Variants in EYA4 observed in about 807,000 individuals in gnomAD.
EYA4 encodes the protein EYA transcriptional coactivator and phosphatase 4, also known as protein phosphatase EYA4.
Under a neutral mutation model 87.9 loss-of-function variants are expected in EYA4, and 31 were observed. The observed-to-expected ratio is 0.35, with a 90% confidence interval of 0.27 to 0.48. The LOEUF is 0.48. EYA4 is among the 20% of genes least tolerant of loss of function. The pLI is 0.99. For missense variants in EYA4, 678 were observed against 761.4 expected (o/e 0.89, Z 1.29); for synonymous variants, 263 against 270.6 (o/e 0.97, Z 0.28).
chr6:133,273,895 TTGTG>T (rs143246060), intron 1 of EYA4, among the ~76,000 whole-genome samples: 2 of 151,620 alleles, frequency 1.3e-5, no homozygotes, highest in Non-Finnish European at 2.9e-5. Flanking sequence ...TTAATTTTCA[TTGTG>T]TGTGTGTGGG....
intron 3 of EYA4, among the ~76,000 whole-genome samples, chr6:133,432,724 G>A (rs913719018): frequency 3.3e-5 from 5 of 151,746 alleles, no homozygotes; most frequent in Non-Finnish European, 7.4e-5. Context: ...TGTTTGCTAA[G>A]GTCAGGGACT....
intron 6 of EYA4, among the ~76,000 whole-genome samples, chr6:133,460,813 C>G (rs1794316831): frequency 6.6e-6 from 1 of 151,906 alleles, no homozygotes; most frequent in African/African-American, 2.4e-5. Context: ...AGCTTAATTA[C>G]CCTATAATCA....
At chr6:133,342,116 C>G (rs1782827746) in intron 2 of EYA4, among the ~76,000 whole-genome samples, 1 of 151,792 alleles carries the variant, frequency 6.6e-6, no homozygotes. Context: ...TAAGGCAGAG[C>G]CCCAAATCAA....
At chr6:133,474,200 AC>A (rs1283058133) in intron 11 of EYA4, among the ~76,000 whole-genome samples, 1 of 152,062 alleles carries the variant, frequency 6.6e-6, no homozygotes, top group African/African-American at 2.4e-5. Flanking sequence ...GACTACAGCT[AC>A]CAAGAATGAA....
intron 2 of EYA4, among the ~76,000 whole-genome samples, chr6:133,366,362 G>A (rs1019387625): frequency 1.3e-5 from 2 of 152,188 alleles, no homozygotes. Flanking sequence ...AGTTAGGCAG[G>A]AGAGTGAGAG....
At chr6:133,477,848 A>G (rs1458420995) in intron 11 of EYA4, among the ~76,000 whole-genome samples, 1 of 151,988 alleles carries the variant, frequency 6.6e-6, no homozygotes, top group East Asian at 1.9e-4. Context: ...ATATATATAT[A>G]CACACATAAA....
intron 5 of EYA4, among the ~76,000 whole-genome samples, chr6:133,455,942 T>G (rs780907816): frequency 6.6e-6 from 1 of 152,132 alleles, no homozygotes; most frequent in Non-Finnish European, 1.5e-5. Context: ...TTTCAAAAGG[T>G]GTACTTGCTG....
chr6:133,497,971 G>A (rs1407007222), intron 13 of EYA4, among the ~76,000 whole-genome samples: 1 of 152,194 alleles, frequency 6.6e-6, no homozygotes, highest in Non-Finnish European at 1.5e-5. Flanking sequence ...ATTAACAGCA[G>A]TGCTGGCAAA....
At chr6:133,520,811 C>A (rs11154732) in intron 17 of EYA4, among the ~76,000 whole-genome samples, 13,950 of 136,842 alleles carry the variant, frequency 0.1, 1,048 homozygotes, top group East Asian at 0.36. Flanking sequence ...ATAACACCGC[C>A]TATCTACAAC....
chr6:133,502,892 C>G (rs1798258856), intron 13 of EYA4, among the ~76,000 whole-genome samples: 1 of 152,156 alleles, frequency 6.6e-6, no homozygotes, highest in Non-Finnish European at 1.5e-5. Flanking sequence ...TAAAATACAG[C>G]TAGTTCACAC....
intron 3 of EYA4, among the ~76,000 whole-genome samples, chr6:133,434,645 C>G (rs958131080): frequency 6.6e-6 from 1 of 152,094 alleles, no homozygotes; most frequent in Non-Finnish European, 1.5e-5. Context: ...GCACAATATT[C>G]CATTTTGCTT....
chr6:133,255,896 T>C (rs1330071952), intron 1 of EYA4, among the ~76,000 whole-genome samples: 6 of 152,068 alleles, frequency 3.9e-5, no homozygotes, highest in Non-Finnish European at 5.9e-5. Context: ...TTCGTACATC[T>C]GCCAAAAATA....
chr6:133,522,526 G>C (rs1253590169), intron 17 of EYA4, among the ~76,000 whole-genome samples: 1 of 152,078 alleles, frequency 6.6e-6, no homozygotes, highest in Non-Finnish European at 1.5e-5. Flanking sequence ...CAGAAACACT[G>C]AAAGTAAATG....
chr6:133,341,697 G>A (rs529989092), intron 2 of EYA4, among the ~76,000 whole-genome samples: 2 of 152,130 alleles, frequency 1.3e-5, no homozygotes, highest in East Asian at 1.9e-4. Flanking sequence ...AATAGCTAGT[G>A]GAGGGCAGGA....
chr6:133,517,682 A>G (rs1799719914), intron 17 of EYA4, among the ~76,000 whole-genome samples: 1 of 152,154 alleles, frequency 6.6e-6, no homozygotes, highest in Non-Finnish European at 1.5e-5. Context: ...CCTGTGTCTG[A>G]CTGGGGAAGC....
intron 2 of EYA4, among the ~76,000 whole-genome samples, chr6:133,298,931 C>G (rs1162090006): frequency 2.0e-5 from 3 of 152,130 alleles, no homozygotes; most frequent in African/African-American, 7.2e-5. Context: ...ATCCACAGCT[C>G]TGCTGTGGAT....
At chr6:133,517,601 C>G (rs545170721) in intron 17 of EYA4, among the ~76,000 whole-genome samples, 16 of 152,222 alleles carry the variant, frequency 1.1e-4, no homozygotes, top group African/African-American at 3.6e-4. Flanking sequence ...TGCACAGCTT[C>G]TGACTCGTGG....
At chr6:133,456,753 C>G in intron 6 of EYA4, 105 bp downstream of exon 6, 2 of 730,286 alleles carry the variant, frequency 2.7e-6, no homozygotes, top group South Asian at 3.2e-5. Flanking sequence ...GAACTTTGAT[C>G]CTTATAAAGT....
At chr6:133,519,843 A>G in intron 17 of EYA4, among the ~76,000 whole-genome samples, 1 of 150,120 alleles carries the variant, frequency 6.7e-6, no homozygotes, top group African/African-American at 2.5e-5. Flanking sequence ...GGTTCAATAT[A>G]TGCAAATCAA....
Sources: gnomAD v4.1 joint callset for allele counts (sites outside exome capture counted in the v4.1 genomes callset) on GRCh38, gnomAD v4.1.1 for gene constraint, MANE v1.5 for transcripts, NCBI Gene and HGNC (gene_info 2026-07-23, HGNC 2026-07-21) for gene names.